Variants in KLF11 observed in about 807,000 individuals in gnomAD.
KLF11 encodes the protein KLF transcription factor 11.
KLF11 carries 26 observed loss-of-function variants against 29.9 expected under a neutral mutation model. That is an observed-to-expected ratio of 0.87 (90% confidence interval 0.64 to 1.21). The LOEUF is 1.21. Ranked by LOEUF, KLF11 falls within the 50% of genes most tolerant of loss-of-function variation. The probability of loss-of-function intolerance (pLI) is 0.00; values close to 1 mark genes in which losing one functional copy is unlikely to be tolerated. For synonymous variants in KLF11, 318 were observed against 257.4 expected, an observed-to-expected ratio of 1.24 and a Z score of -2.25; for missense variants, 778 against 665.7, an observed-to-expected ratio of 1.17 and a Z score of -1.86.
At position 10,043,734 on chromosome 2, in the gene KLF11, C is replaced by T. The variant is rs886054722; in HGVS notation, c.18C>T (p.Phe6=). 9 of 1,379,590 alleles carry T rather than the reference C, an allele frequency of 6.5e-6. No homozygotes were observed. Among genetic ancestry groups the T allele is most frequent in the Non-Finnish European group, 8.6e-6 (9 of 1,051,554 alleles). 85.5% of individuals were successfully genotyped at this position (1,379,590 alleles called of 1,614,324 possible). A position where few individuals can be genotyped will look rare whatever the true frequency, so the allele number is the denominator to read the frequency against. The change falls in exon 1 of 4, where the codon TTC becomes TTT. Residue 6 remains phenylalanine (F), a synonymous_variant. Coordinates refer to ENST00000305883, the MANE Select transcript of KLF11 (RefSeq NM_003597.5). MHTPD[F]AGPDDARAVD... Reference sequence around the variant, plus strand: ...CCTGCACGATGCACACGCCGGACTTCGCAGGCCCAGACGACGCGCGCGCAG... The same window carrying T: ...CCTGCACGATGCACACGCCGGACTTTGCAGGCCCAGACGACGCGCGCGCAG...
chr2:10,046,085 G>A, intron 1 of KLF11, 65 bp from the exon 2 acceptor site: 1 of 1,596,086 alleles, frequency 6.3e-7, no homozygotes, highest in South Asian at 1.1e-5. Context: ...ATATCCACAT[G>A]CCCATCATGG....
At position 10,052,721 on chromosome 2, in the gene KLF11, T is replaced by G. The variant is rs1661445731; in HGVS notation, c.*214T>G. On this transcript the variant is annotated 3_prime_UTR_variant, in exon 4 of 4. Transcript: ENST00000305883. The stretch of plus-strand genomic sequence containing the variant: ...TTGTAGTTTCAGAAGTTTTTTTGTT[T>G]TGGTTTTTTTTTTAAAGAAATGGTA... 2 of 432,838 alleles carry G rather than the reference T, an allele frequency of 4.6e-6. No homozygotes were observed. Among genetic ancestry groups the G allele is most frequent in the Non-Finnish European group, 7.8e-6 (2 of 257,314 alleles). 26.8% of individuals were successfully genotyped at this position (432,838 alleles called of 1,614,324 possible).
intron 3 of KLF11, among the ~76,000 whole-genome samples, chr2:10,051,834 T>G (rs746648950): frequency 5.3e-5 from 8 of 152,194 alleles, no homozygotes; most frequent in Non-Finnish European, 1.0e-4. Flanking sequence ...ACATTTTTAA[T>G]TAATTTATTT....
chr2:10,044,690 G>C (rs987903605), intron 1 of KLF11, among the ~76,000 whole-genome samples: 3 of 147,936 alleles, frequency 2.0e-5, no homozygotes, highest in African/African-American at 7.5e-5. Flanking sequence ...CTATCGCCCA[G>C]GCCGGAGTGC....
At chr2:10,051,905 C>T (rs888971797) in intron 3 of KLF11, among the ~76,000 whole-genome samples, 9 of 152,166 alleles carry the variant, frequency 5.9e-5, no homozygotes, top group Non-Finnish European at 8.8e-5. Flanking sequence ...AACTCCTGTG[C>T]TCAACTGATC....
chr2:10,044,454 G>C (rs1661115684), intron 1 of KLF11: 1 of 985,416 alleles, frequency 1.0e-6, no homozygotes, highest in South Asian at 4.7e-5. Flanking sequence ...CCCGTGTGGT[G>C]AGTCGGCCTC....
intron 1 of KLF11, 146 bp downstream of exon 1, chr2:10,043,904 G>T: frequency 9.6e-7 from 1 of 1,038,608 alleles, no homozygotes; most frequent in Non-Finnish European, 1.2e-6. Context: ...GCCTGGGCGG[G>T]CTCCGGAGCC....
chr2:10,047,020 G>A (rs967779086), intron 2 of KLF11, among the ~76,000 whole-genome samples: 4 of 152,114 alleles, frequency 2.6e-5, no homozygotes, highest in South Asian at 4.2e-4. Context: ...GGGGAATCTC[G>A]GGGTGGAGCT....
intron 3 of KLF11, among the ~76,000 whole-genome samples, chr2:10,051,147 A>T (rs1400187225): frequency 6.6e-6 from 1 of 151,572 alleles, no homozygotes; most frequent in Non-Finnish European, 1.5e-5. Flanking sequence ...TGACCTCATG[A>T]TCCGTCTGTC....
At chr2:10,045,045 C>T (rs1156636467) in intron 1 of KLF11, among the ~76,000 whole-genome samples, 1 of 152,110 alleles carries the variant, frequency 6.6e-6, no homozygotes, top group Admixed American at 6.6e-5. Context: ...ACTGGGGAGG[C>T]TGAGGCAGGA....
chr2:10,043,764 T>A lies in KLF11; in HGVS notation c.42+6T>A. 7.3e-7 allele frequency: 1 copy of A among 1,364,546 alleles called. No individual in the cohort carries two copies. Among genetic ancestry groups the A allele is most frequent in the South Asian group, 1.3e-5 (1 of 78,358 alleles). The allele number at this position is 1,364,546 out of a possible 1,614,324, so 84.5% of individuals were successfully genotyped here. The stretch of plus-strand genomic sequence containing the variant: ...GCCCAGACGACGCGCGCGCAGTGAG[T>A]GGTGGGGCTGCCGCGGCGGGACTAC... On this transcript the variant is annotated splice_donor_region_variant and intron_variant, in intron 1 of 3. Coordinates refer to ENST00000305883, the MANE Select transcript of KLF11 (RefSeq NM_003597.5).
chr2:10,046,088 C>T, intron 1 of KLF11, 62 bp from the exon 2 acceptor site: 2 of 1,596,750 alleles, frequency 1.3e-6, no homozygotes, highest in Non-Finnish European at 1.7e-6. Context: ...TCCACATGCC[C>T]ATCATGGGTG....
intron 1 of KLF11, chr2:10,044,236 C>T (rs1010602238): frequency 4.5e-6 from 4 of 886,298 alleles, no homozygotes; most frequent in African/African-American, 1.9e-5. Flanking sequence ...TGGGGGCGGG[C>T]AAGGTCTAGG....
rs1484666371 is a variant in KLF11 at position 10,046,094 on chromosome 2, G to T, written c.43-56G>T. 2.5e-6 allele frequency: 4 copies of T among 1,608,642 alleles called. No individual in the cohort carries two copies. The Middle Eastern group carries it at 6.6e-4, about 266-fold the overall frequency. ...ATATGCATATCCACATGCCCATCAT[G>T]GGTGGCCTCTGTATTTCCCCTGCAC... On this transcript the variant is annotated intron_variant, in intron 1 of 3. Coordinates refer to ENST00000305883, the MANE Select transcript of KLF11 (RefSeq NM_003597.5).
At chr2:10,050,209 C>T (rs558172019) in intron 3 of KLF11, among the ~76,000 whole-genome samples, 33 of 152,240 alleles carry the variant, frequency 2.2e-4, no homozygotes, top group African/African-American at 7.5e-4. Context: ...GAGTTTGAGA[C>T]CAGCCTGGCC....
At chr2:10,050,236 G>A (rs138062452) in intron 3 of KLF11, among the ~76,000 whole-genome samples, 167 of 152,016 alleles carry the variant, frequency 1.1e-3, no homozygotes, top group Non-Finnish European at 2.9e-4. Flanking sequence ...GTGAAACCCC[G>A]TTTCTACTAA....
rs1269728014 is a variant in KLF11 at position 10,044,083 on chromosome 2, G to C, written c.42+325G>C. 2.8e-5 allele frequency: 20 copies of C among 712,444 alleles called. 1 individual carries two copies. Among genetic ancestry groups the C allele is most frequent in the Non-Finnish European group, 3.4e-5 (20 of 580,400 alleles). The allele number at this position is 712,444 out of a possible 1,614,324, so 44.1% of individuals were successfully genotyped here. ...GTCCTGTGAGCCGGACGGCCGTTGG[G>C]CGGGGGAGCGGCTGGCGGGAACGCG... On this transcript the variant is annotated intron_variant, in intron 1 of 3. Coordinates refer to ENST00000305883, the MANE Select transcript of KLF11 (RefSeq NM_003597.5).
rs371327904 is a variant in KLF11 at position 10,046,200 on chromosome 2, C to T, written c.93C>T (p.Asp31=). 3.7e-6 allele frequency: 6 copies of T among 1,614,050 alleles called. No homozygotes were observed. In the African/African-American group the frequency reaches 4.0e-5, roughly 11 times the overall value. The change falls in exon 2 of 4, where the codon GAC becomes GAT. Residue 31 remains aspartate, a synonymous_variant. Coordinates refer to ENST00000305883, the MANE Select transcript of KLF11 (RefSeq NM_003597.5). Reference sequence around the variant, plus strand: ...CCATCCTGGAGAGGAAGCGGCATGACAGCGAAAGGTCTACTTGCAGCATCT... The same window carrying T: ...CCATCCTGGAGAGGAAGCGGCATGATAGCGAAAGGTCTACTTGCAGCATCT... The part of the protein sequence containing the change: ...CESILERKRH[D]SERSTCSILE...
In KLF11 at chr2:10,047,815, T is replaced by A. The variant is rs1661262178; in HGVS notation, c.478T>A (p.Leu160Met). ...SGGAERGLLG[L>M]EPVPSSPCRA... ...GGGCGCGGAGAGGGGCTTGCTGGGT[T>A]TGGAGCCAGTGCCCAGCTCTCCCTG... Residue 160 changes from leucine to methionine, a missense_variant, in exon 3 of 4, where the codon TTG (leucine) becomes ATG (methionine). Transcript: ENST00000305883. The A allele has an allele frequency of 1.2e-6, 2 of 1,613,678 alleles. No homozygotes were observed. Among genetic ancestry groups the A allele is most frequent in the African/African-American group, 1.3e-5 (1 of 74,934 alleles).
Sources: allele counts gnomAD v4.1 joint callset (sites outside exome capture counted in the v4.1 genomes callset), GRCh38; gene constraint gnomAD v4.1.1; transcripts MANE v1.5; gene names NCBI Gene and HGNC (gene_info 2026-07-23, HGNC 2026-07-21).